The following ADGRB3 variants were observed in gnomAD, a reference collection of about 807,000 sequenced individuals.
The protein encoded by ADGRB3 is brain-specific angiogenesis inhibitor 3.
A neutral mutation model predicts 193.4 loss-of-function variants in ADGRB3; 37 were observed. That is an observed-to-expected ratio of 0.19 (90% confidence interval 0.15 to 0.25). ADGRB3 has a LOEUF of 0.25. Ranked by LOEUF, ADGRB3 falls within the 10% of genes least tolerant of loss-of-function variation. The probability of loss-of-function intolerance (pLI) is 1.00; values close to 1 mark genes in which losing one functional copy is unlikely to be tolerated. For synonymous variants in ADGRB3, 690 were observed against 644.2 expected, an observed-to-expected ratio of 1.07 and a Z score of -1.08; for missense variants, 1,637 against 1,852.9, an observed-to-expected ratio of 0.88 and a Z score of 2.14.
rs569015722 is a variant in ADGRB3 at position 68,907,195 on chromosome 6, AT to A, written c.758-23359del. Among the ~76,000 whole-genome samples the A allele has an allele frequency of 4.0e-4, 61 of 152,044 alleles. 3 individuals are homozygous for A. The South Asian group carries it at 0.011, about 28-fold the overall frequency. On this transcript the variant is annotated intron_variant, in intron 3 of 31. Coordinates refer to ENST00000370598, the MANE Select transcript of ADGRB3 (RefSeq NM_001704.3). ...TGGTCTTATACTTTGTTTTTACTAAATTTTTAGAAATTATTGTTTATAATTT... is the reference window on the plus strand; with the variant it reads ...TGGTCTTATACTTTGTTTTTACTAAATTTTAGAAATTATTGTTTATAATTT...
At chr6:68,883,663 C>T (rs1350789286) in intron 3 of ADGRB3, among the ~76,000 whole-genome samples, 9 of 152,152 alleles carry the variant, frequency 5.9e-5, no homozygotes, top group Non-Finnish European at 2.9e-5. Flanking sequence ...CAAAGGTCTG[C>T]ACCTTCACTC....
chr6:69,101,433 C>CGTGT (rs59471051), intron 17 of ADGRB3, among the ~76,000 whole-genome samples: 11,192 of 145,238 alleles, frequency 0.077, 523 homozygotes, highest in East Asian at 0.15. Context: ...CAGTAAGTAT[C>CGTGT]GTGTGTGTGT....
chr6:68,923,733 T>C (rs755144969), intron 3 of ADGRB3, among the ~76,000 whole-genome samples: 2 of 152,064 alleles, frequency 1.3e-5, no homozygotes, highest in Non-Finnish European at 2.9e-5. Context: ...TCCATCCTTT[T>C]GGTAGCCCCT....
intron 3 of ADGRB3, among the ~76,000 whole-genome samples, chr6:68,770,159 C>T (rs758931426): frequency 3.9e-5 from 6 of 151,904 alleles, no homozygotes; most frequent in African/African-American, 7.2e-5. Flanking sequence ...CAGTTTTATC[C>T]CAGGGCTCTT....
chr6:69,160,078 C>G (rs546231801), intron 17 of ADGRB3, among the ~76,000 whole-genome samples: 4 of 152,034 alleles, frequency 2.6e-5, no homozygotes, highest in Non-Finnish European at 1.5e-5. Flanking sequence ...ATTGTCTAAG[C>G]CCTAGATTAC....
At chr6:69,051,379 A>G (rs988223863) in intron 15 of ADGRB3, among the ~76,000 whole-genome samples, 6 of 152,292 alleles carry the variant, frequency 3.9e-5, no homozygotes. Context: ...AAGTTTCTAC[A>G]TATTCTTTAG....
chr6:69,304,622 T>C (rs759833988), intron 20 of ADGRB3, among the ~76,000 whole-genome samples: 23 of 151,650 alleles, frequency 1.5e-4, no homozygotes, highest in Non-Finnish European at 3.4e-4. Flanking sequence ...CAAAGTTATA[T>C]GTCCAATTGT....
At chr6:69,351,526 G>A (rs939004617) in intron 26 of ADGRB3, among the ~76,000 whole-genome samples, 1 of 152,148 alleles carries the variant, frequency 6.6e-6, no homozygotes, top group African/African-American at 2.4e-5. Flanking sequence ...CACTTAAATT[G>A]TGACATATGA....
chr6:69,012,033 T>A (rs1769953770), intron 11 of ADGRB3, among the ~76,000 whole-genome samples: 1 of 152,104 alleles, frequency 6.6e-6, no homozygotes, highest in African/African-American at 2.4e-5. Context: ...TGGCCCAACA[T>A]GTATTTTAAT....
At chr6:68,646,486 A>G (rs1177732385) in intron 3 of ADGRB3, among the ~76,000 whole-genome samples, 2 of 151,466 alleles carry the variant, frequency 1.3e-5, no homozygotes, top group Non-Finnish European at 2.9e-5. Context: ...AAAAAAAAAA[A>G]AAAAAAAGAA....
At chr6:69,073,137 A>G (rs924847925) in intron 16 of ADGRB3, among the ~76,000 whole-genome samples, 2 of 152,222 alleles carry the variant, frequency 1.3e-5, no homozygotes, top group African/African-American at 4.8e-5. Context: ...GGAACATTCC[A>G]TGTCTATGTT....
chr6:69,306,141 CTG>C (rs1768063593), intron 20 of ADGRB3, among the ~76,000 whole-genome samples: 1 of 151,384 alleles, frequency 6.6e-6, no homozygotes, highest in African/African-American at 2.4e-5. Flanking sequence ...GGGGAAGCAA[CTG>C]TATATGTGGT....
At chr6:69,347,142 G>A (rs1769112754) in intron 26 of ADGRB3, among the ~76,000 whole-genome samples, 1 of 152,142 alleles carries the variant, frequency 6.6e-6, no homozygotes, top group Non-Finnish European at 1.5e-5. Flanking sequence ...TCATTCATAA[G>A]TGGGAGTTGA....
At chr6:68,845,180 A>C (rs1380086843) in intron 3 of ADGRB3, among the ~76,000 whole-genome samples, 1 of 152,210 alleles carries the variant, frequency 6.6e-6, no homozygotes, top group Non-Finnish European at 1.5e-5. Flanking sequence ...TGATGTGACT[A>C]TTATACACTG....
At chr6:69,237,888 G>C (rs1403486483) in intron 19 of ADGRB3, among the ~76,000 whole-genome samples, 1 of 151,986 alleles carries the variant, frequency 6.6e-6, no homozygotes, top group Non-Finnish European at 1.5e-5. Context: ...GATGATACAG[G>C]AACAAGGTTC....
intron 28 of ADGRB3, among the ~76,000 whole-genome samples, chr6:69,357,992 C>T (rs536438164): frequency 4.6e-5 from 7 of 151,852 alleles, no homozygotes; most frequent in Non-Finnish European, 8.8e-5. Context: ...GTGATTTGTC[C>T]GGGTTTAGAA....
At chr6:68,679,297 T>C (rs1165184257) in intron 3 of ADGRB3, among the ~76,000 whole-genome samples, 1 of 152,142 alleles carries the variant, frequency 6.6e-6, no homozygotes, top group Non-Finnish European at 1.5e-5. Context: ...GCTTTGTGGG[T>C]GGCTTTTCTT....
intron 3 of ADGRB3, among the ~76,000 whole-genome samples, chr6:68,771,997 A>G (rs150657339): frequency 4.9e-4 from 75 of 152,250 alleles, no homozygotes; most frequent in East Asian, 1.4e-3. Context: ...ACTTGCTTCT[A>G]TTTATTAGAA....
intron 17 of ADGRB3, among the ~76,000 whole-genome samples, chr6:69,182,320 A>T (rs1409782456): frequency 6.6e-6 from 1 of 152,092 alleles, no homozygotes; most frequent in Non-Finnish European, 1.5e-5. Flanking sequence ...ACCACTAAAG[A>T]ACTTACTCAT....
Sources: allele counts gnomAD v4.1 joint callset (sites outside exome capture counted in the v4.1 genomes callset), GRCh38; gene constraint gnomAD v4.1.1; transcripts MANE v1.5; gene names NCBI Gene and HGNC (gene_info 2026-07-23, HGNC 2026-07-21).